Variants in PHACTR3 observed in about 807,000 individuals in gnomAD.
The protein encoded by PHACTR3 is protein phosphatase 1, regulatory subunit 123.
PHACTR3 carries 16 observed loss-of-function variants against 66.8 expected under a neutral mutation model. The observed-to-expected ratio is 0.24, with a 90% CI of 0.16 to 0.36. The LOEUF is 0.36. Among genes scored for constraint, PHACTR3 ranks in the 10% least tolerant of loss-of-function variants. The pLI is 1.00. For missense variants in PHACTR3, 647 were observed against 719.9 expected, an observed-to-expected ratio of 0.90 and a Z score of 1.16; for synonymous variants, 323 against 292.1, an observed-to-expected ratio of 1.11 and a Z score of -1.08.
At chr20:59,763,433 A>G (rs1259003074) in intron 4 of PHACTR3, among the ~76,000 whole-genome samples, 1 of 152,198 alleles carries the variant, frequency 6.6e-6, no homozygotes, top group East Asian at 1.9e-4. Flanking sequence ...AGCTTCTAGA[A>G]TAGTGCCTGG....
At chr20:59,784,564 A>G (rs534061529) in intron 7 of PHACTR3, among the ~76,000 whole-genome samples, 2 of 152,220 alleles carry the variant, frequency 1.3e-5, no homozygotes, top group African/African-American at 4.8e-5. Context: ...TGGAGATGAG[A>G]CGCGTGAGGT....
intron 1 of PHACTR3, among the ~76,000 whole-genome samples, chr20:59,734,538 A>G (rs2038878354): frequency 6.6e-6 from 1 of 152,070 alleles, no homozygotes; most frequent in Admixed American, 6.5e-5. Context: ...GCCCAGGCCT[A>G]AAAATTCTGT....
At chr20:59,761,566 C>T (rs1232576361) in intron 4 of PHACTR3, among the ~76,000 whole-genome samples, 2 of 152,340 alleles carry the variant, frequency 1.3e-5, no homozygotes, top group East Asian at 3.9e-4. Flanking sequence ...AGGCAAGTGG[C>T]AGGGCAGAGT....
At chr20:59,814,428 A>G (rs1348140680) in intron 8 of PHACTR3, among the ~76,000 whole-genome samples, 2 of 152,222 alleles carry the variant, frequency 1.3e-5, no homozygotes, top group East Asian at 3.9e-4. Flanking sequence ...GAAAGGTTAT[A>G]TGTCCAAAGG....
At chr20:59,597,865 A>G (rs193236386) in intron 1 of PHACTR3, among the ~76,000 whole-genome samples, 5 of 152,352 alleles carry the variant, frequency 3.3e-5, no homozygotes, top group Admixed American at 2.0e-4. Context: ...TGCAGTCAGG[A>G]CTGCAAACTG....
chr20:59,836,787 G>C (rs989819611), intron 9 of PHACTR3, among the ~76,000 whole-genome samples: 3 of 152,106 alleles, frequency 2.0e-5, no homozygotes, highest in African/African-American at 4.8e-5. Flanking sequence ...GCATAAAGAT[G>C]TTTTTATTTT....
intron 4 of PHACTR3, among the ~76,000 whole-genome samples, chr20:59,765,810 C>A (rs576094434): frequency 2.0e-5 from 3 of 152,314 alleles, no homozygotes; most frequent in South Asian, 4.1e-4. Context: ...GATGAATGAA[C>A]CCCATAGGAG....
intron 8 of PHACTR3, among the ~76,000 whole-genome samples, chr20:59,823,359 C>A (rs1005480848): frequency 8.5e-5 from 13 of 152,214 alleles, no homozygotes; most frequent in South Asian, 2.1e-4. Flanking sequence ...CTGGAACCTG[C>A]GGTAGATCCT....
intron 1 of PHACTR3, among the ~76,000 whole-genome samples, chr20:59,654,487 G>C (rs2035553227): frequency 6.6e-6 from 1 of 152,046 alleles, no homozygotes; most frequent in Non-Finnish European, 1.5e-5. Context: ...TGAATGTACT[G>C]ATCTCATTTT....
intron 1 of PHACTR3, among the ~76,000 whole-genome samples, chr20:59,581,176 CA>C (rs2032845549): frequency 6.6e-6 from 1 of 152,250 alleles, no homozygotes; most frequent in Non-Finnish European, 1.5e-5. Flanking sequence ...CAGCTGTGCC[CA>C]CCTGACCTGC....
chr20:59,845,571 T>A (rs1030960542), intron 12 of PHACTR3, among the ~76,000 whole-genome samples: 1 of 152,198 alleles, frequency 6.6e-6, no homozygotes, highest in African/African-American at 2.4e-5. Context: ...TCCCCTCTAA[T>A]ATTCAGAATT....
At chr20:59,639,509 C>T (rs946374060) in intron 1 of PHACTR3, among the ~76,000 whole-genome samples, 27 of 152,166 alleles carry the variant, frequency 1.8e-4, no homozygotes, top group African/African-American at 4.8e-4. Context: ...CTTCTCCCCA[C>T]GTTCCTACCT....
chr20:59,619,839 G>T (rs1230183673), intron 1 of PHACTR3, among the ~76,000 whole-genome samples: 1 of 152,236 alleles, frequency 6.6e-6, no homozygotes. Flanking sequence ...GAGCTGAGAA[G>T]CAAAGCTGTG....
intron 1 of PHACTR3, among the ~76,000 whole-genome samples, chr20:59,631,524 G>A (rs950543128): frequency 6.6e-6 from 1 of 152,112 alleles, no homozygotes. Flanking sequence ...CAGGGGCCTT[G>A]ACAGAGGCAG....
At chr20:59,686,871 T>G (rs1365866679) in intron 1 of PHACTR3, among the ~76,000 whole-genome samples, 1,380 of 66,032 alleles carry the variant, frequency 0.021, no homozygotes, top group Middle Eastern at 0.064. Context: ...TGGTGGTGAT[T>G]GTGATGATGG....
At chr20:59,630,786 T>G (rs2034633086) in intron 1 of PHACTR3, among the ~76,000 whole-genome samples, 1 of 151,636 alleles carries the variant, frequency 6.6e-6, no homozygotes, top group Non-Finnish European at 1.5e-5. Context: ...TCAAGGAGCT[T>G]GTACTGTCGA....
intron 1 of PHACTR3, among the ~76,000 whole-genome samples, chr20:59,713,391 G>C (rs1207505811): frequency 6.6e-6 from 1 of 152,132 alleles, no homozygotes; most frequent in Non-Finnish European, 1.5e-5. Context: ...ACATAACAAA[G>C]CAGCCCAGTA....
chr20:59,630,911 G>C (rs938973883), intron 1 of PHACTR3, among the ~76,000 whole-genome samples: 1 of 152,200 alleles, frequency 6.6e-6, no homozygotes, highest in African/African-American at 2.4e-5. Flanking sequence ...AGTTACACCT[G>C]ATGGGTAGAC....
chr20:59,588,990 G>A (rs2146309334), intron 1 of PHACTR3, among the ~76,000 whole-genome samples: 1 of 152,338 alleles, frequency 6.6e-6, no homozygotes, highest in Non-Finnish European at 1.5e-5. Flanking sequence ...ACTTCCAGCT[G>A]CTGATGGCCC....
Sources: gnomAD v4.1 joint callset for allele counts (sites outside exome capture counted in the v4.1 genomes callset) on GRCh38, gnomAD v4.1.1 for gene constraint, MANE v1.5 for transcripts, NCBI Gene and HGNC (gene_info 2026-07-23, HGNC 2026-07-21) for gene names.